EXOC6B: variants seen among roughly 807,000 people sequenced by gnomAD.
The protein encoded by EXOC6B is SEC15 homolog B.
Under a neutral mutation model 113.5 loss-of-function variants are expected in EXOC6B, and 54 were observed. That is an observed-to-expected ratio of 0.48 (90% CI 0.38 to 0.60). The LOEUF is 0.60. EXOC6B is among the 20% of genes least tolerant of loss of function. The pLI is 0.00. For synonymous variants in EXOC6B, 357 were observed against 339.0 expected (o/e 1.05, Z -0.58); for missense variants, 797 against 977.5 (o/e 0.82, Z 2.46).
intron 6 of EXOC6B, among the ~76,000 whole-genome samples, chr2:72,591,136 T>C (rs1705928669): frequency 6.6e-6 from 1 of 152,116 alleles, no homozygotes; most frequent in Non-Finnish European, 1.5e-5. Flanking sequence ...AGGAGTAGGC[T>C]ATCAGAGTTA....
intron 20 of EXOC6B, among the ~76,000 whole-genome samples, chr2:72,305,949 C>T (rs1329928636): frequency 6.6e-6 from 1 of 152,094 alleles, no homozygotes; most frequent in Non-Finnish European, 1.5e-5. Context: ...TTACATAATA[C>T]ATGACCAGGG....
intron 6 of EXOC6B, among the ~76,000 whole-genome samples, chr2:72,585,085 T>A (rs1705470681): frequency 6.6e-6 from 1 of 152,060 alleles, no homozygotes; most frequent in African/African-American, 2.4e-5. Flanking sequence ...TGATCTAACA[T>A]CATACCTAGA....
At chr2:72,290,521 A>C (rs756057751) in intron 20 of EXOC6B, among the ~76,000 whole-genome samples, 1 of 152,096 alleles carries the variant, frequency 6.6e-6, no homozygotes, top group Non-Finnish European at 1.5e-5. Context: ...TATACATAAA[A>C]ATATACTTAG....
chr2:72,404,763 C>A (rs1693608454), intron 18 of EXOC6B, among the ~76,000 whole-genome samples: 1 of 152,130 alleles, frequency 6.6e-6, no homozygotes, highest in Non-Finnish European at 1.5e-5. Flanking sequence ...GCGGAAAAAA[C>A]AGAGTAGAAA....
chr2:72,725,970 A>G (rs1680277041), intron 5 of EXOC6B, among the ~76,000 whole-genome samples: 3 of 152,238 alleles, frequency 2.0e-5, no homozygotes, highest in Admixed American at 2.0e-4. Flanking sequence ...AAAAAGTGAT[A>G]ATAACCTAAA....
intron 20 of EXOC6B, among the ~76,000 whole-genome samples, chr2:72,320,395 AAT>A (rs1185551125): frequency 6.6e-6 from 1 of 152,058 alleles, no homozygotes; most frequent in Non-Finnish European, 1.5e-5. Flanking sequence ...AATTGAACAT[AAT>A]ATAGAGAATG....
chr2:72,803,302 T>C (rs1685398431), intron 1 of EXOC6B, among the ~76,000 whole-genome samples: 1 of 148,170 alleles, frequency 6.7e-6, no homozygotes, highest in South Asian at 2.1e-4. Context: ...CTGGAAATTC[T>C]GAGCAAAAAA....
At chr2:72,432,156 C>A (rs181855764) in intron 18 of EXOC6B, among the ~76,000 whole-genome samples, 1 of 152,220 alleles carries the variant, frequency 6.6e-6, no homozygotes, top group Non-Finnish European at 1.5e-5. Flanking sequence ...CCTGCCTCAG[C>A]CTCCCAAGTA....
chr2:72,523,650 A>G (rs1428526290), intron 8 of EXOC6B, among the ~76,000 whole-genome samples: 2 of 151,958 alleles, frequency 1.3e-5, no homozygotes, highest in African/African-American at 2.4e-5. Context: ...GCGTGGTGGC[A>G]GGCGCCTGCA....
At chr2:72,612,187 A>G (rs751088251) in intron 6 of EXOC6B, among the ~76,000 whole-genome samples, 1 of 152,030 alleles carries the variant, frequency 6.6e-6, no homozygotes, top group Non-Finnish European at 1.5e-5. Context: ...AGGCACGAGA[A>G]TGGTTTGAGC....
chr2:72,585,471 C>G (rs1705501101), intron 6 of EXOC6B, among the ~76,000 whole-genome samples: 1 of 151,968 alleles, frequency 6.6e-6, no homozygotes, highest in Non-Finnish European at 1.5e-5. Flanking sequence ...GTGGCACACA[C>G]CTGTAGTTCT....
chr2:72,222,350 T>A (rs1034732703), intron 20 of EXOC6B, among the ~76,000 whole-genome samples: 2 of 152,118 alleles, frequency 1.3e-5, no homozygotes, highest in African/African-American at 2.4e-5. Flanking sequence ...GGCCTTAAAG[T>A]ATGGGGGAAA....
intron 6 of EXOC6B, among the ~76,000 whole-genome samples, chr2:72,614,760 A>G (rs1039187749): frequency 2.0e-5 from 3 of 152,200 alleles, no homozygotes; most frequent in Admixed American, 2.0e-4. Flanking sequence ...GACAAATTCT[A>G]GGAGAAAGCT....
intron 5 of EXOC6B, among the ~76,000 whole-genome samples, chr2:72,725,557 C>A (rs1426391746): frequency 6.6e-6 from 1 of 152,042 alleles, no homozygotes; most frequent in East Asian, 1.9e-4. Flanking sequence ...ACACCCGCCT[C>A]ATTTTTGTAT....
chr2:72,714,467 T>C (rs1679476044), intron 6 of EXOC6B, among the ~76,000 whole-genome samples: 1 of 152,244 alleles, frequency 6.6e-6, no homozygotes, highest in African/African-American at 2.4e-5. Context: ...TTTCTGCTTT[T>C]GGCAAGGTAG....
chr2:72,468,849 GA>G, intron 17 of EXOC6B, among the ~76,000 whole-genome samples: 1 of 151,992 alleles, frequency 6.6e-6, no homozygotes, highest in East Asian at 1.9e-4. Context: ...ATATTTCAAT[GA>G]GCACTTCTAT....
intron 18 of EXOC6B, among the ~76,000 whole-genome samples, chr2:72,384,384 A>G (rs758490006): frequency 6.6e-6 from 1 of 152,108 alleles, no homozygotes. Flanking sequence ...ATTAAAAGCC[A>G]TATATGACAA....
In EXOC6B at chr2:72,410,162, C is replaced by T. The variant is rs550386756; in HGVS notation, c.1981-30292G>A. On this transcript the variant is annotated intron_variant, in intron 18 of 21. Transcript: ENST00000272427. ...CTTATTCTTCAATGTTTCTGTAGGA[C>T]GACTTTGAAGCTGCATATTCTGCCA... Among the ~76,000 whole-genome samples, 49 of 152,286 alleles carry T rather than the reference C, an allele frequency of 3.2e-4. No individual in the cohort carries two copies. The East Asian group carries it at 8.5e-3, about 26-fold the overall frequency.
At chr2:72,430,634 G>T (rs1695467524) in intron 18 of EXOC6B, among the ~76,000 whole-genome samples, 1 of 152,116 alleles carries the variant, frequency 6.6e-6, no homozygotes, top group Non-Finnish European at 1.5e-5. Context: ...ACAACAGAAT[G>T]AGAATCCATC....
Sources: allele counts gnomAD v4.1 joint callset (sites outside exome capture counted in the v4.1 genomes callset), GRCh38; gene constraint gnomAD v4.1.1; transcripts MANE v1.5; gene names NCBI Gene and HGNC (gene_info 2026-07-23, HGNC 2026-07-21).